Variants in TBC1D22A observed in about 807,000 individuals in gnomAD.
TBC1D22A encodes putative GTPase activator.
Under a neutral mutation model 60.2 loss-of-function variants are expected in TBC1D22A, and 38 were observed. The ratio of observed to expected loss-of-function variants is 0.63; its 90% CI spans 0.49 to 0.83. The LOEUF (loss-of-function observed/expected upper bound fraction) is 0.83, where lower values mean the gene tolerates loss of function less well. Among genes scored for constraint, TBC1D22A ranks in the 40% least tolerant of loss-of-function variants. The pLI is 0.00. For synonymous variants in TBC1D22A, 302 were observed against 281.7 expected, an observed-to-expected ratio of 1.07 and a Z score of -0.72; for missense variants, 628 against 701.0, an observed-to-expected ratio of 0.90 and a Z score of 1.18.
intron 10 of TBC1D22A, among the ~76,000 whole-genome samples, chr22:47,015,640 A>G (rs1202638967): frequency 6.6e-6 from 1 of 152,224 alleles, no homozygotes; most frequent in African/African-American, 2.4e-5. Context: ...TGCGGTGTCC[A>G]TGCGGGCTGC....
intron 11 of TBC1D22A, among the ~76,000 whole-genome samples, chr22:47,087,140 A>C (rs1264030796): frequency 6.6e-6 from 1 of 152,262 alleles, no homozygotes; most frequent in Non-Finnish European, 1.5e-5. Context: ...TGGTTGGCAG[A>C]GTATGAGCGT....
At chr22:46,867,086 T>G (rs1179159783) in intron 4 of TBC1D22A, among the ~76,000 whole-genome samples, 1 of 152,250 alleles carries the variant, frequency 6.6e-6, no homozygotes, top group Non-Finnish European at 1.5e-5. Flanking sequence ...ATAATGTTTA[T>G]GCCATGCATT....
chr22:46,920,057 T>TGTATGTA (rs1555949341), intron 8 of TBC1D22A, among the ~76,000 whole-genome samples: 2,819 of 59,176 alleles, frequency 0.048, 64 homozygotes, highest in African/African-American at 0.093. Context: ...ATGTGTTTGT[T>TGTATGTA]TGTATGTATG....
In TBC1D22A at chr22:47,009,343, T is replaced by C. The variant is rs1341776792; in HGVS notation, c.1201+11634T>C. Reference sequence around the variant, plus strand: ...TGTCATCATCACCATCATTATGTCATCACCACCATCATCATCACCATCACC... The same window carrying C: ...TGTCATCATCACCATCATTATGTCACCACCACCATCATCATCACCATCACC... On this transcript the variant is annotated intron_variant, in intron 10 of 12. Transcript: ENST00000337137. This position sits in a 1 kb window ranked among gnomAD's most constrained non-coding sequence, Gnocchi z 5.8. 6.6e-6 allele frequency among the ~76,000 whole-genome samples: 1 copy of C among 151,374 alleles called. No individual in the cohort carries two copies. Among genetic ancestry groups the C allele is most frequent in the Non-Finnish European group, 1.5e-5 (1 of 67,846 alleles).
intron 11 of TBC1D22A, among the ~76,000 whole-genome samples, chr22:47,046,921 G>A (rs2063052549): frequency 1.3e-5 from 2 of 152,202 alleles, no homozygotes; most frequent in South Asian, 4.1e-4. Flanking sequence ...AGAAAGGCTG[G>A]CGGGTCTGCC....
At position 46,941,751 on chromosome 22, in the gene TBC1D22A, GAA is replaced by G. The variant is rs540452485; in HGVS notation, c.1015+29564_1015+29565del. 2.3e-4 allele frequency among the ~76,000 whole-genome samples: 33 copies of G among 146,222 alleles called. 3 individuals carry two copies. In the South Asian group the frequency reaches 5.8e-3, roughly 25 times the overall value. ...TGTATATACGGAATATATATATGCG[GAA>G]TATATATATACGGAATATGTATACG... On this transcript the variant is annotated intron_variant, in intron 8 of 12. Coordinates refer to ENST00000337137, the MANE Select transcript of TBC1D22A (RefSeq NM_014346.5).
At chr22:47,022,128 C>A (rs954991907) in intron 10 of TBC1D22A, among the ~76,000 whole-genome samples, 15 of 152,226 alleles carry the variant, frequency 9.9e-5, no homozygotes, top group Non-Finnish European at 1.5e-5. Flanking sequence ...GACATTTTTC[C>A]TGTTTCCGGT....
At chr22:46,821,858 C>T (rs1462303416) in intron 4 of TBC1D22A, among the ~76,000 whole-genome samples, 1 of 152,126 alleles carries the variant, frequency 6.6e-6, no homozygotes, top group Non-Finnish European at 1.5e-5. Context: ...TTCTCCCCAT[C>T]CCCTTCTGGT....
At chr22:46,791,215 T>G (rs2084391582) in intron 1 of TBC1D22A, among the ~76,000 whole-genome samples, 1 of 152,048 alleles carries the variant, frequency 6.6e-6, no homozygotes, top group South Asian at 2.1e-4. Context: ...GCAGACGTGG[T>G]TTCGCCATGT....
chr22:46,851,792 AG>A (rs2087289664), intron 4 of TBC1D22A, among the ~76,000 whole-genome samples: 1 of 152,230 alleles, frequency 6.6e-6, no homozygotes, highest in South Asian at 2.1e-4. Flanking sequence ...AGGGCTAGGA[AG>A]GGGTACACGG....
intron 11 of TBC1D22A, among the ~76,000 whole-genome samples, chr22:47,058,985 G>A (rs2063484900): frequency 6.6e-6 from 1 of 152,148 alleles, no homozygotes; most frequent in African/African-American, 2.4e-5. Context: ...CACAAGAACT[G>A]CGGAGTGTCC....
At chr22:47,139,383 C>T (rs920706466) in intron 12 of TBC1D22A, among the ~76,000 whole-genome samples, 1 of 152,226 alleles carries the variant, frequency 6.6e-6, no homozygotes, top group Non-Finnish European at 1.5e-5. Context: ...AGGTGTGCAC[C>T]TCGAGACAGG....
chr22:47,073,597 T>C (rs1268490428), intron 11 of TBC1D22A, among the ~76,000 whole-genome samples: 2 of 152,162 alleles, frequency 1.3e-5, no homozygotes, highest in Admixed American at 1.3e-4. Context: ...CCACAAGGGC[T>C]CTGATTGCTG....
intron 11 of TBC1D22A, among the ~76,000 whole-genome samples, chr22:47,064,737 C>T (rs988727799): frequency 2.0e-5 from 3 of 152,148 alleles, no homozygotes; most frequent in African/African-American, 7.2e-5. Context: ...TGAGATTGTC[C>T]CTCTAAGTGT....
chr22:46,838,105 G>A (rs1177110104), intron 4 of TBC1D22A, among the ~76,000 whole-genome samples: 2 of 152,094 alleles, frequency 1.3e-5, no homozygotes, highest in East Asian at 3.9e-4. Flanking sequence ...TACACTTGAA[G>A]GAACTAGAAA....
chr22:47,150,481 C>G (rs754885056), intron 12 of TBC1D22A, among the ~76,000 whole-genome samples: 3 of 152,192 alleles, frequency 2.0e-5, no homozygotes, highest in South Asian at 4.1e-4. Flanking sequence ...GAACAGCTCT[C>G]GAGCCCGCGT....
chr22:47,013,505 C>A (rs1569337289), intron 10 of TBC1D22A, among the ~76,000 whole-genome samples: 1 of 152,260 alleles, frequency 6.6e-6, no homozygotes, highest in East Asian at 1.9e-4. Flanking sequence ...GAAGTGATTC[C>A]CAAAGTCGTT....
intron 11 of TBC1D22A, among the ~76,000 whole-genome samples, chr22:47,037,790 C>T (rs907981507): frequency 6.6e-6 from 1 of 152,206 alleles, no homozygotes; most frequent in Non-Finnish European, 1.5e-5. Flanking sequence ...GAATTCACAT[C>T]CTGAGCAGTG....
intron 1 of TBC1D22A, among the ~76,000 whole-genome samples, chr22:46,773,166 C>G (rs2083562331): frequency 6.6e-6 from 1 of 152,194 alleles, no homozygotes; most frequent in African/African-American, 2.4e-5. Flanking sequence ...AGCCCTTCAC[C>G]CCCTGAACAC....
Sources: gnomAD v4.1 joint callset for allele counts (sites outside exome capture counted in the v4.1 genomes callset) on GRCh38, gnomAD v4.1.1 for gene constraint, Gnocchi (gnomAD v3.1) non-coding constraint, MANE v1.5 for transcripts, NCBI Gene and HGNC (gene_info 2026-07-23, HGNC 2026-07-21) for gene names.